IMPG1: variants seen among roughly 807,000 people sequenced by gnomAD.
The protein encoded by IMPG1 is interphotoreceptor matrix proteoglycan 1.
In IMPG1, 85 loss-of-function variants were observed where a neutral mutation model predicts 92.0. The ratio of observed to expected loss-of-function variants is 0.92; its 90% CI spans 0.78 to 1.11. The LOEUF is 1.11. Ranked by LOEUF, IMPG1 falls within the 50% of genes least tolerant of loss-of-function variation. The probability of loss-of-function intolerance (pLI) is 0.00; values close to 1 mark genes in which losing one functional copy is unlikely to be tolerated. For synonymous variants in IMPG1, 367 were observed against 334.1 expected, an observed-to-expected ratio of 1.10 and a Z score of -1.08; for missense variants, 1,022 against 956.0, an observed-to-expected ratio of 1.07 and a Z score of -0.91.
chr6:76,001,030 T>C (rs1016451097), intron 12 of IMPG1, among the ~76,000 whole-genome samples: 2 of 152,238 alleles, frequency 1.3e-5, no homozygotes, highest in African/African-American at 4.8e-5. Flanking sequence ...GCACTTCACA[T>C]TTCTAGCCTT....
intron 5 of IMPG1, chr6:76,024,932 C>T (rs1008773794): frequency 1.5e-5 from 8 of 526,124 alleles, no homozygotes; most frequent in African/African-American, 1.5e-4. Flanking sequence ...AGAAAGAAGG[C>T]AGAAAATAGG....
At chr6:76,049,184 C>A (rs1783994139) in intron 1 of IMPG1, among the ~76,000 whole-genome samples, 1 of 152,002 alleles carries the variant, frequency 6.6e-6, no homozygotes, top group African/African-American at 2.4e-5. Context: ...CATGCTGGGG[C>A]CTATCAGAGA....
At chr6:75,924,511 TTAATATAATTATATATTA>T (rs1415812280) in intron 15 of IMPG1, among the ~76,000 whole-genome samples, 1 of 59,594 alleles carries the variant, frequency 1.7e-5, no homozygotes, top group African/African-American at 6.2e-5. Context: ...TATAATATAA[TTAATATAATTATATATTA>T]TAATATAATT....
chr6:75,931,613 T>G (rs1287202348), intron 14 of IMPG1, among the ~76,000 whole-genome samples: 1 of 152,172 alleles, frequency 6.6e-6, no homozygotes, highest in Non-Finnish European at 1.5e-5. Context: ...TATAAAGCAT[T>G]AAGTCATCAT....
intron 14 of IMPG1, among the ~76,000 whole-genome samples, chr6:75,946,587 G>C (rs1047439943): frequency 6.6e-6 from 1 of 152,066 alleles, no homozygotes. Context: ...TTCCCAATTT[G>C]GTCACAGCTG....
At chr6:76,043,057 T>A (rs1783872324) in intron 1 of IMPG1, among the ~76,000 whole-genome samples, 1 of 152,032 alleles carries the variant, frequency 6.6e-6, no homozygotes, top group African/African-American at 2.4e-5. Flanking sequence ...TACATATAAA[T>A]GTGAAAGAAA....
At chr6:76,034,879 G>A (rs1046387424) in intron 2 of IMPG1, 92 bp from the exon 3 acceptor site, 2 of 1,079,138 alleles carry the variant, frequency 1.9e-6, no homozygotes, top group African/African-American at 1.6e-5. Flanking sequence ...TTATTTCATG[G>A]CTTATGTCGA....
At chr6:75,948,835 T>C (rs1781976423) in intron 13 of IMPG1, among the ~76,000 whole-genome samples, 1 of 152,186 alleles carries the variant, frequency 6.6e-6, no homozygotes, top group Non-Finnish European at 1.5e-5. Context: ...TGGGCAACTT[T>C]GGTGTCTTTT....
At chr6:75,961,119 A>G (rs1782207371) in intron 12 of IMPG1, among the ~76,000 whole-genome samples, 1 of 152,254 alleles carries the variant, frequency 6.6e-6, no homozygotes, top group Non-Finnish European at 1.5e-5. Context: ...AAGACAAAGC[A>G]GAAGATGAAC....
chr6:76,068,948 A>G (rs1784357424), intron 1 of IMPG1, among the ~76,000 whole-genome samples: 1 of 152,244 alleles, frequency 6.6e-6, no homozygotes, highest in South Asian at 2.1e-4. Context: ...TATAGAAAAA[A>G]CAACAAAAGA....
chr6:76,054,133 G>A (rs1230729194), intron 1 of IMPG1, among the ~76,000 whole-genome samples: 6 of 152,140 alleles, frequency 3.9e-5, no homozygotes, highest in Non-Finnish European at 5.9e-5. Flanking sequence ...AACTTGAAAA[G>A]TAGATAATAA....
intron 12 of IMPG1, among the ~76,000 whole-genome samples, chr6:75,974,419 T>TG: frequency 6.9e-6 from 1 of 144,624 alleles, no homozygotes; most frequent in East Asian, 2.0e-4. Context: ...CTTCCTTCCT[T>TG]CCTTCCTTGC....
chr6:75,950,470 T>G, intron 13 of IMPG1, 92 bp downstream of exon 13: 1 of 1,167,370 alleles, frequency 8.6e-7, no homozygotes. Context: ...CTACTAACAC[T>G]AATTGCTCAA....
chr6:75,947,579 C>A, intron 13 of IMPG1, 46 bp from the exon 14 acceptor site: 1 of 1,318,720 alleles, frequency 7.6e-7, no homozygotes, highest in South Asian at 1.3e-5. Flanking sequence ...TCTAAGTGCT[C>A]AGCTGCTGCT....
At chr6:76,033,750 T>C (rs1367560755) in intron 4 of IMPG1, among the ~76,000 whole-genome samples, 1 of 152,230 alleles carries the variant, frequency 6.6e-6, no homozygotes, top group Non-Finnish European at 1.5e-5. Flanking sequence ...AATTTGTGAG[T>C]TTAGAGTTTG....
intron 12 of IMPG1, among the ~76,000 whole-genome samples, chr6:75,973,705 A>C (rs1252468474): frequency 6.6e-6 from 1 of 152,222 alleles, no homozygotes; most frequent in Non-Finnish European, 1.5e-5. Context: ...ACTTCACTAC[A>C]CTACTGAGGC....
chr6:76,025,035 CAATA>C (rs754125983), intron 5 of IMPG1, 155 bp downstream of exon 5: 7 of 644,580 alleles, frequency 1.1e-5, no homozygotes, highest in Non-Finnish European at 2.0e-5. Context: ...AAGTTGTATG[CAATA>C]AATTTAAATT....
At chr6:76,069,435 A>G (rs1468759383) in intron 1 of IMPG1, among the ~76,000 whole-genome samples, 1 of 152,198 alleles carries the variant, frequency 6.6e-6, no homozygotes, top group African/African-American at 2.4e-5. Flanking sequence ...GAGTAAATAG[A>G]TATCACACAA....
At chr6:75,949,974 AT>A (rs1172960425) in intron 13 of IMPG1, among the ~76,000 whole-genome samples, 1 of 152,182 alleles carries the variant, frequency 6.6e-6, no homozygotes, top group Non-Finnish European at 1.5e-5. Flanking sequence ...TGTATTTCTT[AT>A]TGTATATGTA....
Sources: allele counts gnomAD v4.1 joint callset (sites outside exome capture counted in the v4.1 genomes callset), GRCh38; gene constraint gnomAD v4.1.1; transcripts MANE v1.5; gene names NCBI Gene and HGNC (gene_info 2026-07-23, HGNC 2026-07-21).